The following COL23A1 variants were observed in gnomAD, a reference collection of about 807,000 sequenced individuals.
The protein encoded by COL23A1 is collagen type XXIII alpha 1 chain.
A neutral mutation model predicts 99.3 loss-of-function variants in COL23A1; 97 were observed. That is an observed-to-expected ratio of 0.98 (90% CI 0.83 to 1.16). The LOEUF (loss-of-function observed/expected upper bound fraction) is 1.16. Among genes scored for constraint, COL23A1 ranks in the 50% most tolerant of loss-of-function variants. The pLI is 0.00. For synonymous variants in COL23A1, 320 were observed against 308.2 expected, an observed-to-expected ratio of 1.04 and a Z score of -0.40; for missense variants, 762 against 757.4, an observed-to-expected ratio of 1.01 and a Z score of -0.07.
chr5:178,505,636 G>A (rs1183246501), intron 2 of COL23A1, among the ~76,000 whole-genome samples: 2 of 152,136 alleles, frequency 1.3e-5, no homozygotes, highest in Non-Finnish European at 2.9e-5. Flanking sequence ...CATGTGCAAA[G>A]GCTCTATTTC....
At chr5:178,368,824 G>A (rs1762638109) in intron 2 of COL23A1, among the ~76,000 whole-genome samples, 1 of 152,236 alleles carries the variant, frequency 6.6e-6, no homozygotes, top group Non-Finnish European at 1.5e-5. Flanking sequence ...TTGTTCCTGG[G>A]CTATAAGGTC....
chr5:178,297,411 A>T (rs1025536986), intron 3 of COL23A1, among the ~76,000 whole-genome samples: 1 of 152,186 alleles, frequency 6.6e-6, no homozygotes, highest in Non-Finnish European at 1.5e-5. Flanking sequence ...CCAGCTACTC[A>T]GGAGGCTGAG....
intron 2 of COL23A1, among the ~76,000 whole-genome samples, chr5:178,372,626 G>C (rs1303726992): frequency 6.6e-6 from 1 of 152,118 alleles, no homozygotes; most frequent in African/African-American, 2.4e-5. Flanking sequence ...AGGCTGGAGT[G>C]CAGTGGTGAG....
chr5:178,561,121 C>G (rs1224870713), intron 1 of COL23A1, among the ~76,000 whole-genome samples: 2 of 152,186 alleles, frequency 1.3e-5, no homozygotes, highest in Non-Finnish European at 2.9e-5. Context: ...GAGGGCAGAT[C>G]AAAGTTAATG....
At chr5:178,320,008 C>A (rs1237076458) in intron 2 of COL23A1, among the ~76,000 whole-genome samples, 2 of 152,240 alleles carry the variant, frequency 1.3e-5, no homozygotes, top group African/African-American at 4.8e-5. Context: ...CAGGGCTCTC[C>A]TCTGCCCATT....
In COL23A1 at chr5:178,246,410, C is replaced by T. The variant is rs758460459; in HGVS notation, c.1340G>A (p.Arg447Lys). Residue 447 changes from arginine (R) to lysine (K), a missense_variant, in exon 23 of 29, where the codon AGA (arginine) becomes AAA (lysine). Arg to Lys is a conservative substitution (Grantham distance 26). Transcript: ENST00000390654. Reference sequence around the variant, plus strand: ...ACTCACAGGCAGGCCGCTGGGGCCTCTCTCACCCGACGCACCCTTCTCTCC... The same window carrying T: ...ACTCACAGGCAGGCCGCTGGGGCCTTTCTCACCCGACGCACCCTTCTCTCC... The part of the protein sequence containing the change: ...AKGEKGASGE[R>K]GPSGLPGPVG... 23 of 1,580,354 alleles carry T rather than the reference C, an allele frequency of 1.5e-5. No individual in the cohort carries two copies. In the East Asian group the frequency reaches 5.1e-4, roughly 35 times the overall value.
In COL23A1 at chr5:178,500,446, AT is replaced by A. The variant is rs199922847; in HGVS notation, c.361+60235del. ...CTACAAAAAAAAAAAAAAAAAAAAA[AT>A]GGTTTTAATTAGCCGAGTACTGTGG... is the stretch of plus-strand genomic sequence containing the variant. On this transcript the variant is annotated intron_variant, in intron 2 of 28. Transcript: ENST00000390654. Among the ~76,000 whole-genome samples, 107 of 148,722 alleles carry A rather than the reference AT, an allele frequency of 7.2e-4. 1 individual carries two copies. Among genetic ancestry groups the A allele is most frequent in the East Asian group, 2.3e-3 (12 of 5,118 alleles).
At position 178,238,401 on chromosome 5, in the gene COL23A1, G is replaced by A. The variant is rs1034086518; in HGVS notation, c.*297C>T. 7 of 454,322 alleles carry A rather than the reference G, an allele frequency of 1.5e-5. No individual in the cohort carries two copies. The highest frequency in any genetic ancestry group is 1.4e-4 in the African/African-American group (7 of 50,500). The allele number at this position is 454,322 out of a possible 1,614,324, so 28.1% of individuals were successfully genotyped here. On this transcript the variant is annotated 3_prime_UTR_variant, in exon 29 of 29. Transcript: ENST00000390654. ...TCTCTCTGCTGATCAGGTGACTGAA[G>A]GCCCAACGTAGCATCTTTCTAGCCT...
At chr5:178,519,463 C>T (rs73803500) in intron 2 of COL23A1, among the ~76,000 whole-genome samples, 122 of 152,362 alleles carry the variant, frequency 8.0e-4, no homozygotes, top group African/African-American at 2.8e-3. Context: ...CAAGTGGCCG[C>T]GCCCTGCACA....
chr5:178,523,147 T>C (rs536018193), intron 2 of COL23A1, among the ~76,000 whole-genome samples: 1 of 91,120 alleles, frequency 1.1e-5, no homozygotes, highest in South Asian at 3.3e-4. Context: ...TTTAAAAATA[T>C]ATATATATAT....
chr5:178,467,595 G>A (rs1444205212), intron 2 of COL23A1, among the ~76,000 whole-genome samples: 1 of 152,174 alleles, frequency 6.6e-6, no homozygotes. Flanking sequence ...TGAAGGATGT[G>A]TGGAAATTCT....
intron 2 of COL23A1, among the ~76,000 whole-genome samples, chr5:178,417,014 T>C (rs1375934661): frequency 1.3e-5 from 2 of 152,162 alleles, no homozygotes; most frequent in East Asian, 1.9e-4. Flanking sequence ...TTCCTGAGAC[T>C]TAGGGGCCTT....
intron 2 of COL23A1, among the ~76,000 whole-genome samples, chr5:178,412,565 C>T (rs992641756): frequency 3.3e-5 from 5 of 152,100 alleles, no homozygotes; most frequent in Admixed American, 1.3e-4. Context: ...CCTTAATTTT[C>T]CAGTCTTTAT....
At chr5:178,346,613 C>G (rs190712137) in intron 2 of COL23A1, among the ~76,000 whole-genome samples, 99 of 152,140 alleles carry the variant, frequency 6.5e-4, no homozygotes, top group Non-Finnish European at 1.0e-3. Context: ...CTATGTATGC[C>G]CCTTCACATA....
intron 2 of COL23A1, among the ~76,000 whole-genome samples, chr5:178,465,551 C>T (rs1756371764): frequency 6.6e-6 from 1 of 152,184 alleles, no homozygotes; most frequent in Non-Finnish European, 1.5e-5. Context: ...GGTGGACAGG[C>T]CCACAGCACC....
At chr5:178,578,232 G>C (rs1334201795) in intron 1 of COL23A1, among the ~76,000 whole-genome samples, 1 of 151,000 alleles carries the variant, frequency 6.6e-6, no homozygotes, top group Non-Finnish European at 1.5e-5. Flanking sequence ...ATGCACACAT[G>C]CATACTCCTG....
chr5:178,373,130 A>G (rs1421681397), intron 2 of COL23A1, among the ~76,000 whole-genome samples: 1 of 152,070 alleles, frequency 6.6e-6, no homozygotes, highest in Non-Finnish European at 1.5e-5. Context: ...CCTTGGTAAA[A>G]AGCACAGGCT....
chr5:178,471,368 A>G (rs1227673306), intron 2 of COL23A1, among the ~76,000 whole-genome samples: 1 of 152,004 alleles, frequency 6.6e-6, no homozygotes. Context: ...CAGCCTCCTG[A>G]GTAGCTGGGA....
At chr5:178,362,552 C>T (rs1762229395) in intron 2 of COL23A1, among the ~76,000 whole-genome samples, 1 of 152,182 alleles carries the variant, frequency 6.6e-6, no homozygotes, top group Non-Finnish European at 1.5e-5. Context: ...GTCTTAGCCT[C>T]TCCCACCCAC....
Sources: allele counts gnomAD v4.1 joint callset (sites outside exome capture counted in the v4.1 genomes callset), GRCh38; gene constraint gnomAD v4.1.1; transcripts MANE v1.5; gene names NCBI Gene and HGNC (gene_info 2026-07-23, HGNC 2026-07-21).